Variants in HRH1 observed in about 807,000 individuals in gnomAD.
HRH1 encodes the protein histamine H1 receptor.
Under a neutral mutation model 10.3 loss-of-function variants are expected in HRH1, and 6 were observed. The observed-to-expected ratio is 0.58, with a 90% CI of 0.32 to 1.15. The LOEUF (loss-of-function observed/expected upper bound fraction) is 1.15. HRH1 is among the 50% of genes most tolerant of loss of function. HRH1 has a pLI of 0.05. For synonymous variants in HRH1, 242 were observed against 236.7 expected, an observed-to-expected ratio of 1.02 and a Z score of -0.21; for missense variants, 514 against 615.3, an observed-to-expected ratio of 0.84 and a Z score of 1.74.
chr3:11,239,774 C>G (rs1027243181), intron 1 of HRH1, among the ~76,000 whole-genome samples: 1 of 152,110 alleles, frequency 6.6e-6, no homozygotes, highest in African/African-American at 2.4e-5. Flanking sequence ...TTTTAGCATT[C>G]CCAGAGGTGA....
chr3:11,199,647 C>A (rs534607303), intron 1 of HRH1, among the ~76,000 whole-genome samples: 1 of 152,188 alleles, frequency 6.6e-6, no homozygotes, highest in Non-Finnish European at 1.5e-5. Flanking sequence ...GCCTCTCTGG[C>A]CCCTCCTAGT....
intron 1 of HRH1, among the ~76,000 whole-genome samples, chr3:11,210,739 A>G (rs1270087182): frequency 1.3e-5 from 2 of 151,140 alleles, no homozygotes; most frequent in Non-Finnish European, 2.9e-5. Flanking sequence ...GTTGCAGTGA[A>G]CCAAGATTGT....
intron 1 of HRH1, among the ~76,000 whole-genome samples, chr3:11,246,926 G>A (rs1307423857): frequency 2.0e-5 from 3 of 151,956 alleles, no homozygotes; most frequent in Non-Finnish European, 2.9e-5. Flanking sequence ...GCGTGCCTGT[G>A]GTCCCTCCCA....
chr3:11,235,104 A>G (rs1316436030), intron 1 of HRH1, among the ~76,000 whole-genome samples: 1 of 152,008 alleles, frequency 6.6e-6, no homozygotes, highest in Non-Finnish European at 1.5e-5. Context: ...AGTCCCAGCT[A>G]CATGGGAGGC....
At chr3:11,230,190 G>A (rs1939002644) in intron 1 of HRH1, among the ~76,000 whole-genome samples, 1 of 152,206 alleles carries the variant, frequency 6.6e-6, no homozygotes, top group Admixed American at 6.5e-5. Context: ...AGGTTCAGGG[G>A]AAGATGAGAG....
chr3:11,222,416 G>C lies in HRH1; in HGVS notation c.-35-36587G>C, dbSNP rs553835004. ...TGTGTGATTATATATCCCAGGTGTT[G>C]TGTGGAATTTTAACTCAAATACCAA... On this transcript the variant is annotated intron_variant, in intron 1 of 1. Transcript: ENST00000431010. 5.3e-5 allele frequency among the ~76,000 whole-genome samples: 8 copies of C among 152,320 alleles called. No homozygotes were observed. The South Asian group carries it at 8.3e-4, about 16-fold the overall frequency.
chr3:11,138,964 T>G (rs941728454), intron 1 of HRH1, among the ~76,000 whole-genome samples: 1 of 150,764 alleles, frequency 6.6e-6, no homozygotes, highest in Non-Finnish European at 1.5e-5. Context: ...TGTGAGCCAC[T>G]GTGCCTGGCC....
chr3:11,185,002 C>T (rs1157176539), intron 1 of HRH1, among the ~76,000 whole-genome samples: 1 of 149,378 alleles, frequency 6.7e-6, no homozygotes, highest in Admixed American at 6.7e-5. Flanking sequence ...TTTTCCATTG[C>T]ATTTAAAGTT....
intron 1 of HRH1, among the ~76,000 whole-genome samples, chr3:11,178,398 G>T (rs1937287686): frequency 2.0e-5 from 3 of 152,180 alleles, no homozygotes; most frequent in Admixed American, 2.0e-4. Flanking sequence ...TTTCCCCGTT[G>T]GGTGCCTGGA....
chr3:11,140,013 T>A (rs961598675), intron 1 of HRH1, among the ~76,000 whole-genome samples: 8 of 152,170 alleles, frequency 5.3e-5, no homozygotes, highest in Non-Finnish European at 1.0e-4. Flanking sequence ...AATTTTTTTT[T>A]AAAGAAAAGA....
At chr3:11,185,076 A>G (rs1349341580) in intron 1 of HRH1, among the ~76,000 whole-genome samples, 5 of 151,592 alleles carry the variant, frequency 3.3e-5, no homozygotes, top group Non-Finnish European at 1.5e-5. Context: ...TTCCCATTGT[A>G]TCATGGGCCC....
chr3:11,251,538 C>T (rs920636350), intron 1 of HRH1, among the ~76,000 whole-genome samples: 5 of 152,102 alleles, frequency 3.3e-5, no homozygotes, highest in African/African-American at 1.2e-4. Context: ...TATGCCTTTT[C>T]CCTTTTATTA....
At chr3:11,201,889 C>T (rs2125027956) in intron 1 of HRH1, among the ~76,000 whole-genome samples, 1 of 152,300 alleles carries the variant, frequency 6.6e-6, no homozygotes, top group Admixed American at 6.5e-5. Flanking sequence ...TTGTCTGCCG[C>T]CCAGGCCTGT....
rs947758153 is a variant in HRH1 at position 11,221,912 on chromosome 3, C to T, written c.-35-37091C>T. Reference sequence around the variant, plus strand: ...TCCTCAAGGTTCATCCAGGTGATACCACGTGCCAGATGCCCTTCCTTTTTT... The same window carrying T: ...TCCTCAAGGTTCATCCAGGTGATACTACGTGCCAGATGCCCTTCCTTTTTT... On this transcript the variant is annotated intron_variant, in intron 1 of 1. Transcript: ENST00000431010. 2.4e-4 allele frequency among the ~76,000 whole-genome samples: 36 copies of T among 152,266 alleles called. 1 individual carries two copies. Among genetic ancestry groups the T allele is most frequent in the African/African-American group, 7.0e-4 (29 of 41,534 alleles).
intron 1 of HRH1, among the ~76,000 whole-genome samples, chr3:11,174,378 T>C (rs2125014001): frequency 6.6e-6 from 1 of 152,292 alleles, no homozygotes; most frequent in African/African-American, 2.4e-5. Flanking sequence ...AGAGGCCATC[T>C]CAGCGCTGAC....
At chr3:11,241,949 T>TA (rs965237818) in intron 1 of HRH1, among the ~76,000 whole-genome samples, 1 of 151,960 alleles carries the variant, frequency 6.6e-6, no homozygotes, top group African/African-American at 2.4e-5. Context: ...GGGCGCTCTC[T>TA]AAAATGCACC....
chr3:11,147,762 G>A (rs892095119), intron 1 of HRH1, among the ~76,000 whole-genome samples: 2 of 152,206 alleles, frequency 1.3e-5, no homozygotes, highest in African/African-American at 4.8e-5. Context: ...AGAAATTGAT[G>A]TGTAGAGTGG....
intron 1 of HRH1, chr3:11,234,708 A>G (rs1939130301): frequency 2.0e-6 from 2 of 1,006,838 alleles, no homozygotes; most frequent in Non-Finnish European, 3.2e-6. Context: ...GAGACCTTGC[A>G]GAAGTGGCGG....
At chr3:11,173,507 A>T (rs1175686402) in intron 1 of HRH1, among the ~76,000 whole-genome samples, 1 of 151,878 alleles carries the variant, frequency 6.6e-6, no homozygotes, top group African/African-American at 2.4e-5. Flanking sequence ...GGTTCATGCC[A>T]TTCTCTTGCC....
Sources: allele counts gnomAD v4.1 joint callset (sites outside exome capture counted in the v4.1 genomes callset), GRCh38; gene constraint gnomAD v4.1.1; transcripts MANE v1.5; gene names NCBI Gene and HGNC (gene_info 2026-07-23, HGNC 2026-07-21).